Variants in GREB1 observed in about 807,000 individuals in gnomAD.
GREB1 encodes protein GREB1.
In GREB1, 106 loss-of-function variants were observed where a neutral mutation model predicts 200.7. That is an observed-to-expected ratio of 0.53 (90% confidence interval 0.45 to 0.62). GREB1 has a LOEUF of 0.62. Among genes scored for constraint, GREB1 ranks in the 20% least tolerant of loss-of-function variants. GREB1 has a pLI of 0.00. For synonymous variants in GREB1, 1,132 were observed against 1,092.4 expected (o/e 1.04, Z -0.72); for missense variants, 2,243 against 2,556.8 (o/e 0.88, Z 2.65).
chr2:11,544,851 G>A (rs780440495), intron 1 of GREB1, among the ~76,000 whole-genome samples: 15 of 152,296 alleles, frequency 9.8e-5, no homozygotes, highest in Non-Finnish European at 7.4e-5. Context: ...GTCTCACTCT[G>A]TCACCCAGGC....
chr2:11,627,138 C>T (rs757392022), intron 25 of GREB1, 34 bp downstream of exon 25: 16 of 1,540,232 alleles, frequency 1.0e-5, no homozygotes, highest in African/African-American at 1.4e-5. Context: ...AGGCATTTCA[C>T]CTTGGCTCAC....
intron 1 of GREB1, among the ~76,000 whole-genome samples, chr2:11,483,064 C>A (rs910695574): frequency 6.6e-6 from 1 of 151,706 alleles, no homozygotes; most frequent in African/African-American, 2.4e-5. Context: ...GAAGGTGCGC[C>A]CCGCCGGACG....
Position 11,629,850 on chromosome 2 carries a change from CTG to C in GREB1, c.4450-95_4450-94del. 8.3e-7 allele frequency: 1 copy of C among 1,209,526 alleles called. No homozygotes were observed. The highest frequency in any genetic ancestry group is 2.3e-5 in the East Asian group (1 of 42,682). The allele number at this position is 1,209,526 out of a possible 1,614,324, so 74.9% of individuals were successfully genotyped here. On this transcript the variant is annotated intron_variant, in intron 25 of 32. Transcript: ENST00000381486. The surrounding 1 kb of genome is among the most constrained non-coding windows in gnomAD (Gnocchi z 5.2). ...TTCTTGTGCTGTAGGGAAGTGGTGA[CTG>C]TGAGCTGCACGTTGTCACAGCAGAG...
intron 22 of GREB1, 44 bp from the exon 23 acceptor site, chr2:11,620,861 A>T: frequency 8.5e-7 from 1 of 1,176,590 alleles, no homozygotes. Context: ...TGGCACGCGG[A>T]TGGGGCTTCC....
At chr2:11,592,483 A>G (rs1393068463) in intron 10 of GREB1, among the ~76,000 whole-genome samples, 1 of 151,970 alleles carries the variant, frequency 6.6e-6, no homozygotes, top group East Asian at 1.9e-4. Context: ...ATGTTTCTGG[A>G]TTGTCAAAGA....
chr2:11,525,229 G>A (rs949487912), intron 1 of GREB1, among the ~76,000 whole-genome samples: 8 of 152,156 alleles, frequency 5.3e-5, no homozygotes, highest in African/African-American at 1.9e-4. Flanking sequence ...TCCGGGCTGG[G>A]CACGGTGGCT....
At chr2:11,630,901 AG>A (rs1233648436) in intron 26 of GREB1, among the ~76,000 whole-genome samples, 3 of 152,338 alleles carry the variant, frequency 2.0e-5, no homozygotes, top group Admixed American at 1.3e-4. Context: ...CATGTGGAGA[AG>A]CTGCTTTTCC....
chr2:11,641,570 C>T lies in GREB1; in HGVS notation c.*1116C>T, dbSNP rs1167765728. On this transcript the variant is annotated 3_prime_UTR_variant, in exon 33 of 33. Transcript: ENST00000381486. ...GTGCGATCTCGGCTCACTGCAAGCTCCGCCTCCCGGGTTCTCACCATTCTC... is the reference window on the plus strand; with the variant it reads ...GTGCGATCTCGGCTCACTGCAAGCTTCGCCTCCCGGGTTCTCACCATTCTC... 6.6e-6 allele frequency: 1 copy of T among 152,192 alleles called. No individual in the cohort carries two copies. Among genetic ancestry groups the T allele is most frequent in the African/African-American group, 2.4e-5 (1 of 41,380 alleles). The allele number at this position is 152,192 out of a possible 1,614,324, so 9.4% of individuals were successfully genotyped here. A position where few individuals can be genotyped will look rare whatever the true frequency, so the allele number is the denominator to read the frequency against.
intron 1 of GREB1, among the ~76,000 whole-genome samples, chr2:11,508,932 T>C (rs1255466199): frequency 6.7e-6 from 1 of 149,304 alleles, no homozygotes. Flanking sequence ...TGGAGTGCAG[T>C]GGCGCGATCT....
chr2:11,641,409 GAGA>G lies in GREB1; in HGVS notation c.*958_*960del, dbSNP rs1334768203. 1.3e-5 allele frequency: 2 copies of G among 152,272 alleles called. No homozygotes were observed. Among genetic ancestry groups the G allele is most frequent in the Non-Finnish European group, 2.9e-5 (2 of 68,078 alleles). 9.4% of individuals were successfully genotyped at this position (152,272 alleles called of 1,614,324 possible). ...CTAGAGAGGAGGTGGGAACAGAAGA[GAGA>G]AGGAGGCAGGGAGATGTATTTCTTA... On this transcript the variant is annotated 3_prime_UTR_variant, in exon 33 of 33. Transcript: ENST00000381486.
At chr2:11,617,171 C>T (rs146910651) in intron 21 of GREB1, among the ~76,000 whole-genome samples, 258 of 152,368 alleles carry the variant, frequency 1.7e-3, no homozygotes, top group African/African-American at 5.9e-3. Context: ...ATGAGCCTTC[C>T]GCGTAGCCAC....
chr2:11,516,311 G>GGTGTGTGTGTGTGTGTGTGT (rs60141733), intron 1 of GREB1, among the ~76,000 whole-genome samples: 2 of 143,958 alleles, frequency 1.4e-5, no homozygotes, highest in African/African-American at 2.6e-5. Context: ...TTTTCCTGCA[G>GGTGTGTGTGTGTGTGTGTGT]GTGTGTGTGT....
chr2:11,616,802 C>T, intron 21 of GREB1, 82 bp downstream of exon 21: 1 of 807,104 alleles, frequency 1.2e-6, no homozygotes, highest in South Asian at 1.4e-5. Context: ...CTATAGAGGG[C>T]TATTTGCTGA....
At chr2:11,546,572 G>A (rs998582629) in intron 1 of GREB1, among the ~76,000 whole-genome samples, 1 of 152,150 alleles carries the variant, frequency 6.6e-6, no homozygotes, top group Admixed American at 6.5e-5. Flanking sequence ...TATTTTTTAT[G>A]TGCTCACTTG....
chr2:11,633,995 TGG>T lies in GREB1; in HGVS notation c.4992-131_4992-130del. On this transcript the variant is annotated intron_variant, in intron 28 of 32. Transcript: ENST00000381486. This position sits in a 1 kb window ranked among gnomAD's most constrained non-coding sequence, Gnocchi z 4.1. Reference sequence around the variant, plus strand: ...AAGCGCCCAGCAGGGTGCCTGGCCCTGGGGGGACTGTGCGGGGCACCGGCCCG... The same window carrying T: ...AAGCGCCCAGCAGGGTGCCTGGCCCTGGGGACTGTGCGGGGCACCGGCCCG... 1 of 789,740 alleles carries T rather than the reference TGG, an allele frequency of 1.3e-6. No homozygotes were observed. The highest frequency in any genetic ancestry group is 2.2e-6 in the Non-Finnish European group (1 of 461,458). The allele number at this position is 789,740 out of a possible 1,614,324, so 48.9% of individuals were successfully genotyped here. A position where few individuals can be genotyped will look rare whatever the true frequency, so the allele number is the denominator to read the frequency against.
At chr2:11,545,477 G>C (rs1216985577) in intron 1 of GREB1, among the ~76,000 whole-genome samples, 2 of 152,188 alleles carry the variant, frequency 1.3e-5, no homozygotes, top group African/African-American at 4.8e-5. Context: ...AAAGCACCAT[G>C]ACAAAAGAAC....
chr2:11,531,830 C>T (rs2148491762), upstream of GREB1, among the ~76,000 whole-genome samples: 1 of 152,314 alleles, frequency 6.6e-6, no homozygotes, highest in South Asian at 2.1e-4. Flanking sequence ...CTCGGCCTCC[C>T]AAAGTGCTGG....
At position 11,598,797 on chromosome 2, in the gene GREB1, C is replaced by T. The variant is rs767848053; in HGVS notation, c.2270C>T (p.Ser757Phe). The change falls in exon 15 of 33, where the codon TCC becomes TTC. Residue 757 changes from serine to phenylalanine, a missense_variant. Ser to Phe is a radical substitution (Grantham distance 155). This residue lies in a region of GREB1 where 1,178 missense variants were observed against 1,387.4 expected (regional missense o/e 0.85). Transcript: ENST00000381486. Reference protein sequence around the residue: ...QTKFKAFLQNSFQNPHTLFVL... With the variant: ...QTKFKAFLQNFFQNPHTLFVL... ...AAATTTAAGGCTTTTCTGCAAAACT[C>T]CTTCCAGAACCCGCATACACTTTTT... is the stretch of plus-strand genomic sequence containing the variant. 1.1e-5 allele frequency: 18 copies of T among 1,614,064 alleles called. No individual in the cohort carries two copies. Among genetic ancestry groups the T allele is most frequent in the Admixed American group, 1.7e-5 (1 of 60,004 alleles).
intron 9 of GREB1, chr2:11,587,423 G>A: frequency 1.2e-6 from 2 of 1,613,944 alleles, no homozygotes; most frequent in Admixed American, 1.7e-5. Context: ...CCTTGGTCCG[G>A]CAGAACCTGC....
Sources: gnomAD v4.1 joint callset for allele counts (sites outside exome capture counted in the v4.1 genomes callset) on GRCh38, gnomAD v4.1.1 for gene constraint, gnomAD v4.1.1 regional missense constraint, Gnocchi (gnomAD v3.1) non-coding constraint, MANE v1.5 for transcripts, NCBI Gene and HGNC (gene_info 2026-07-23, HGNC 2026-07-21) for gene names.